The following PGPEP1L variants were observed in gnomAD, a reference collection of about 807,000 sequenced individuals.
The protein encoded by PGPEP1L is pyroglutamyl-peptidase I like.
In PGPEP1L, 7 loss-of-function variants were observed where a neutral mutation model predicts 6.0. The ratio of observed to expected loss-of-function variants is 1.17; its 90% CI spans 0.66 to 2.19. The LOEUF (loss-of-function observed/expected upper bound fraction) is 2.19. Ranked by LOEUF, PGPEP1L falls within the 30% of genes most tolerant of loss-of-function variation. PGPEP1L has a pLI of 0.00. For synonymous variants in PGPEP1L, 103 were observed against 83.9 expected (o/e 1.23, Z -1.24); for missense variants, 209 against 192.5 (o/e 1.09, Z -0.51).
intron 2 of PGPEP1L, among the ~76,000 whole-genome samples, chr15:98,979,716 T>C (rs1388791093): frequency 7.5e-6 from 1 of 134,210 alleles, no homozygotes; most frequent in East Asian, 2.3e-4. Flanking sequence ...CATGGCACAA[T>C]CTTGGCTCAC....
At chr15:98,983,595 G>T (rs1055109630) in intron 2 of PGPEP1L, among the ~76,000 whole-genome samples, 1 of 152,156 alleles carries the variant, frequency 6.6e-6, no homozygotes, top group Admixed American at 6.5e-5. Context: ...GGTGGTAGTG[G>T]CTCCAAAATT....
intron 3 of PGPEP1L, among the ~76,000 whole-genome samples, chr15:98,970,281 T>A (rs1452996076): frequency 2.0e-5 from 3 of 152,186 alleles, no homozygotes; most frequent in Non-Finnish European, 4.4e-5. Context: ...TGACCTCAAG[T>A]GATCCGCCTG....
At chr15:98,987,164 T>TAAAAAAA in intron 2 of PGPEP1L, among the ~76,000 whole-genome samples, 1 of 21,834 alleles carries the variant, frequency 4.6e-5, no homozygotes, top group South Asian at 2.1e-3. Context: ...AGACTCCATC[T>TAAAAAAA]CAAAAAAAAA....
intron 2 of PGPEP1L, among the ~76,000 whole-genome samples, chr15:98,979,333 A>C (rs1219295024): frequency 4.3e-5 from 1 of 23,166 alleles, no homozygotes; most frequent in Non-Finnish European, 1.1e-4. Context: ...AAATTAAAAC[A>C]AAAAAAAAAC....
At chr15:98,972,896 AAAAAAAG>A (rs1226310628) in intron 2 of PGPEP1L, among the ~76,000 whole-genome samples, 5 of 149,918 alleles carry the variant, frequency 3.3e-5, no homozygotes, top group East Asian at 1.9e-4. Flanking sequence ...AAAAAAAAAA[AAAAAAAG>A]TGCAGTGTAG....
At chr15:99,006,863 G>A (rs1167010523) in intron 1 of PGPEP1L, among the ~76,000 whole-genome samples, 2 of 152,086 alleles carry the variant, frequency 1.3e-5, no homozygotes, top group African/African-American at 4.8e-5. Context: ...ATATTAAGAG[G>A]AAGAAGACCC....
At chr15:98,984,007 GTCTT>G (rs2017706693) in intron 2 of PGPEP1L, among the ~76,000 whole-genome samples, 7 of 124,600 alleles carry the variant, frequency 5.6e-5, no homozygotes, top group Admixed American at 2.4e-4. Context: ...GGAGTAAGTA[GTCTT>G]TTTTTTTTTT....
At chr15:98,976,879 CAA>C (rs1167386886) in intron 2 of PGPEP1L, among the ~76,000 whole-genome samples, 1 of 151,854 alleles carries the variant, frequency 6.6e-6, no homozygotes, top group Non-Finnish European at 1.5e-5. Context: ...TTCAAGTTAA[CAA>C]GAGGAGAAAC....
At chr15:98,999,981 T>C (rs1555472800) in intron 2 of PGPEP1L, among the ~76,000 whole-genome samples, 3 of 152,230 alleles carry the variant, frequency 2.0e-5, no homozygotes. Flanking sequence ...ACCACTGCAC[T>C]GTGGGAGCCC....
chr15:98,999,253 A>G (rs1204999826), intron 2 of PGPEP1L, among the ~76,000 whole-genome samples: 1 of 152,248 alleles, frequency 6.6e-6, no homozygotes, highest in Non-Finnish European at 1.5e-5. Context: ...CAAACAGTCC[A>G]ATCAGCAGAT....
At chr15:98,982,700 C>CTTTTTTTTTTT (rs369749842) in intron 2 of PGPEP1L, among the ~76,000 whole-genome samples, 2,538 of 52,410 alleles carry the variant, frequency 0.048, 505 homozygotes, top group Non-Finnish European at 0.089. Flanking sequence ...TTATCTGAGG[C>CTTTTTTTTTTT]TTTTTTTTTT....
intron 2 of PGPEP1L, among the ~76,000 whole-genome samples, chr15:98,980,108 C>CA (rs1164957772): frequency 6.6e-6 from 1 of 152,078 alleles, no homozygotes. Flanking sequence ...GATGCTGCAC[C>CA]AAAATCTCAC....
intron 2 of PGPEP1L, among the ~76,000 whole-genome samples, chr15:98,991,939 A>T (rs1366186536): frequency 5.9e-5 from 9 of 152,198 alleles, no homozygotes; most frequent in African/African-American, 2.2e-4. Context: ...CTAGGTACTG[A>T]CGGAATGTAT....
At chr15:98,982,704 T>TC (rs2017683958) in intron 2 of PGPEP1L, among the ~76,000 whole-genome samples, 1 of 22,408 alleles carries the variant, frequency 4.5e-5, no homozygotes, top group Admixed American at 4.0e-4. Flanking sequence ...CTGAGGCTTT[T>TC]TTTTTTTTTT....
chr15:98,990,689 C>T (rs1013898866), intron 2 of PGPEP1L, among the ~76,000 whole-genome samples: 5 of 152,190 alleles, frequency 3.3e-5, no homozygotes, highest in Non-Finnish European at 5.9e-5. Context: ...CACACTTATT[C>T]TAAAATTGAC....
intron 2 of PGPEP1L, among the ~76,000 whole-genome samples, chr15:98,984,781 T>C (rs945388112): frequency 2.0e-5 from 3 of 152,028 alleles, no homozygotes; most frequent in Non-Finnish European, 4.4e-5. Context: ...TGCAGATTGA[T>C]AGTGAAGAGA....
At chr15:98,990,006 G>A (rs60824272) in intron 2 of PGPEP1L, among the ~76,000 whole-genome samples, 1,566 of 152,178 alleles carry the variant, frequency 0.01, 38 homozygotes, top group African/African-American at 0.036. Context: ...AGGAACCACC[G>A]GTAACAGCCA....
At chr15:98,992,324 A>C (rs2017830810) in intron 2 of PGPEP1L, among the ~76,000 whole-genome samples, 1 of 152,200 alleles carries the variant, frequency 6.6e-6, no homozygotes, top group African/African-American at 2.4e-5. Context: ...CAGAGAGCCA[A>C]ATCATGAGTG....
At chr15:98,971,416 C>A (rs1471866354) in intron 2 of PGPEP1L, among the ~76,000 whole-genome samples, 3 of 152,072 alleles carry the variant, frequency 2.0e-5, no homozygotes, top group East Asian at 3.9e-4. Context: ...ATCACTTGAA[C>A]CTGGGAGGTG....
Sources: gnomAD v4.1 joint callset for allele counts (sites outside exome capture counted in the v4.1 genomes callset) on GRCh38, gnomAD v4.1.1 for gene constraint, MANE v1.5 for transcripts, NCBI Gene and HGNC (gene_info 2026-07-23, HGNC 2026-07-21) for gene names.